KCNH1: variants seen among roughly 807,000 people sequenced by gnomAD.
The protein encoded by KCNH1 is voltage-gated delayed rectifier potassium channel KCNH1.
KCNH1 carries 27 observed loss-of-function variants against 69.2 expected under a neutral mutation model. That is an observed-to-expected ratio of 0.39 (90% CI 0.29 to 0.54). KCNH1 has a LOEUF of 0.54. Ranked by LOEUF, KCNH1 falls within the 20% of genes least tolerant of loss-of-function variation. The pLI is 0.68. For synonymous variants in KCNH1, 456 were observed against 487.7 expected, an observed-to-expected ratio of 0.93 and a Z score of 0.86; for missense variants, 798 against 1,261.6, an observed-to-expected ratio of 0.63 and a Z score of 5.57.
At chr1:210,980,760 A>G (rs1457454169) in intron 6 of KCNH1, among the ~76,000 whole-genome samples, 2 of 152,158 alleles carry the variant, frequency 1.3e-5, no homozygotes, top group Non-Finnish European at 2.9e-5. Context: ...GGCACTGGAT[A>G]TATATTGAGA....
chr1:210,738,992 A>T (rs1238071470), intron 10 of KCNH1, among the ~76,000 whole-genome samples: 1 of 152,124 alleles, frequency 6.6e-6, no homozygotes, highest in East Asian at 1.9e-4. Context: ...CTTAAAATGT[A>T]ATAACTGCAA....
chr1:210,959,311 C>G (rs773927615), intron 6 of KCNH1, among the ~76,000 whole-genome samples: 1 of 152,134 alleles, frequency 6.6e-6, no homozygotes, highest in South Asian at 2.1e-4. Context: ...GGGGCACCCG[C>G]CTATATGAGG....
At chr1:210,833,380 C>T (rs1685206954) in intron 7 of KCNH1, among the ~76,000 whole-genome samples, 1 of 152,036 alleles carries the variant, frequency 6.6e-6, no homozygotes, top group Admixed American at 6.6e-5. Context: ...AATAATGCCA[C>T]ATATCTACCA....
At chr1:210,933,871 A>C (rs1351125241) in intron 6 of KCNH1, among the ~76,000 whole-genome samples, 2 of 152,216 alleles carry the variant, frequency 1.3e-5, no homozygotes, top group Non-Finnish European at 2.9e-5. Context: ...AGAACCCACA[A>C]ATAAACCCAT....
chr1:211,001,578 A>G (rs1332506407), intron 6 of KCNH1, among the ~76,000 whole-genome samples: 2 of 152,196 alleles, frequency 1.3e-5, no homozygotes, highest in East Asian at 1.9e-4. Context: ...ACTGTAAACT[A>G]GTTCAACCAT....
intron 7 of KCNH1, among the ~76,000 whole-genome samples, chr1:210,830,591 G>C (rs1359828069): frequency 6.8e-6 from 1 of 146,472 alleles, no homozygotes; most frequent in Non-Finnish European, 1.5e-5. Context: ...TCCATCCAAA[G>C]GAGCAATTAA....
chr1:211,092,590 A>G (rs763504796), intron 3 of KCNH1, among the ~76,000 whole-genome samples: 4 of 152,212 alleles, frequency 2.6e-5, no homozygotes, highest in Non-Finnish European at 5.9e-5. Flanking sequence ...TCTACCATAT[A>G]AAAATCACAA....
chr1:211,089,519 C>T (rs1007819501), intron 4 of KCNH1, among the ~76,000 whole-genome samples: 24 of 152,182 alleles, frequency 1.6e-4, no homozygotes, highest in Admixed American at 2.6e-4. Flanking sequence ...CTAAATGTGC[C>T]AGGATTTTAA....
chr1:211,001,183 A>G (rs1488529473), intron 6 of KCNH1, among the ~76,000 whole-genome samples: 3 of 152,216 alleles, frequency 2.0e-5, no homozygotes, highest in Non-Finnish European at 4.4e-5. Context: ...CAAACTAAAG[A>G]GCTTCTGCAC....
intron 7 of KCNH1, among the ~76,000 whole-genome samples, chr1:210,833,552 T>C (rs1473374950): frequency 2.0e-5 from 3 of 152,148 alleles, no homozygotes; most frequent in Admixed American, 2.0e-4. Flanking sequence ...ATTAAAGACT[T>C]AAACGTTAGA....
intron 2 of KCNH1, among the ~76,000 whole-genome samples, chr1:211,106,192 T>C (rs956854402): frequency 6.6e-6 from 1 of 152,186 alleles, no homozygotes; most frequent in Non-Finnish European, 1.5e-5. Flanking sequence ...GACAGAAGAC[T>C]GAAGAAGGCA....
chr1:210,859,897 G>A (rs947959210), intron 7 of KCNH1: 7 of 1,280,480 alleles, frequency 5.5e-6, no homozygotes, highest in Non-Finnish European at 8.0e-6. Context: ...TTTAGTAATA[G>A]GTATGCATTA....
At chr1:210,743,346 C>T (rs543499584) in intron 10 of KCNH1, among the ~76,000 whole-genome samples, 4 of 152,224 alleles carry the variant, frequency 2.6e-5, no homozygotes, top group Admixed American at 1.3e-4. Context: ...CCCAGCAAGG[C>T]GAGGCAGCCT....
intron 7 of KCNH1, among the ~76,000 whole-genome samples, chr1:210,872,218 T>C (rs770187668): frequency 2.0e-5 from 3 of 149,986 alleles, no homozygotes; most frequent in Non-Finnish European, 4.4e-5. Context: ...GCCTGTACCA[T>C]GGTAAATGCT....
intron 5 of KCNH1, among the ~76,000 whole-genome samples, chr1:211,051,889 T>A (rs1454696626): frequency 6.6e-6 from 1 of 152,136 alleles, no homozygotes; most frequent in Non-Finnish European, 1.5e-5. Flanking sequence ...TGGAATGTAG[T>A]GGAGCTTTGG....
At chr1:210,827,317 C>T (rs759178409) in intron 7 of KCNH1, among the ~76,000 whole-genome samples, 6 of 151,396 alleles carry the variant, frequency 4.0e-5, no homozygotes, top group Non-Finnish European at 7.4e-5. Flanking sequence ...GGCAACAGGG[C>T]GAGACTCCAT....
At chr1:211,088,729 A>G (rs1690999903) in intron 4 of KCNH1, among the ~76,000 whole-genome samples, 3 of 152,344 alleles carry the variant, frequency 2.0e-5, no homozygotes, top group Admixed American at 6.5e-5. Flanking sequence ...TCAAGCCACA[A>G]GTTACTCCTA....
intron 8 of KCNH1, among the ~76,000 whole-genome samples, chr1:210,798,066 G>A (rs1276176853): frequency 7.0e-6 from 1 of 142,962 alleles, no homozygotes; most frequent in Non-Finnish European, 1.5e-5. Flanking sequence ...TTAAGACAGA[G>A]TCTTGCTCTG....
chr1:210,709,404 C>T (rs927142772), intron 10 of KCNH1, among the ~76,000 whole-genome samples: 7 of 152,178 alleles, frequency 4.6e-5, no homozygotes, highest in Non-Finnish European at 1.0e-4. Flanking sequence ...GATTCTTCCT[C>T]ACAAGCTTCA....
Sources: gnomAD v4.1 joint callset for allele counts (sites outside exome capture counted in the v4.1 genomes callset) on GRCh38, gnomAD v4.1.1 for gene constraint, MANE v1.5 for transcripts, NCBI Gene and HGNC (gene_info 2026-07-23, HGNC 2026-07-21) for gene names.